Variants in CEP295 observed in about 807,000 individuals in gnomAD.
CEP295 encodes centrosomal protein 295.
CEP295 carries 190 observed loss-of-function variants against 291.6 expected under a neutral mutation model. The observed-to-expected ratio is 0.65, with a 90% CI of 0.58 to 0.73. The LOEUF (loss-of-function observed/expected upper bound fraction) is 0.73, where lower values mean the gene tolerates loss of function less well. CEP295 is among the 30% of genes least tolerant of loss of function. CEP295 has a pLI of 0.00. For synonymous variants in CEP295, 993 were observed against 1,038.8 expected (o/e 0.96, Z 0.85); for missense variants, 2,863 against 2,949.4 (o/e 0.97, Z 0.68).
rs1565428130 is a variant in CEP295 at position 93,668,843 on chromosome 11, A to T, written c.345A>T (p.Ala115=). ...TGGATGCTTTGGCACAGCGGGCAGC[A>T]GAAAGGAAAAGAAAAGCAGATTTGA... ...PDLDALAQRA[A]ERKRKADLRH... The change falls in exon 4 of 30, where the codon GCA becomes GCT. Residue 115 remains alanine (A), a synonymous_variant. Coordinates refer to ENST00000325212, the MANE Select transcript of CEP295 (RefSeq NM_033395.2). 6.6e-7 allele frequency: 1 copy of T among 1,525,194 alleles called. No homozygotes were observed. Among genetic ancestry groups the T allele is most frequent in the Non-Finnish European group, 8.8e-7 (1 of 1,133,422 alleles). The allele number at this position is 1,525,194 out of a possible 1,614,324, so 94.5% of individuals were successfully genotyped here. A position where few individuals can be genotyped will look rare whatever the true frequency, so the allele number is the denominator to read the frequency against.
chr11:93,700,199 C>A lies in CEP295; in HGVS notation c.5274+13C>A, dbSNP rs778119120. 6.6e-7 allele frequency: 1 copy of A among 1,519,424 alleles called. No homozygotes were observed. Among genetic ancestry groups the A allele is most frequent in the Non-Finnish European group, 8.8e-7 (1 of 1,133,686 alleles). The allele number at this position is 1,519,424 out of a possible 1,614,324, so 94.1% of individuals were successfully genotyped here. On this transcript the variant is annotated intron_variant, in intron 15 of 29. Coordinates refer to ENST00000325212, the MANE Select transcript of CEP295 (RefSeq NM_033395.2). ...TAAAGACAGTCAGGTATGTTTTAAA[C>A]CTGAATAATAATGAAACACTAGAAG...
Position 93,723,309 on chromosome 11 carries a change from A to G in CEP295, c.6196+20A>G, listed in dbSNP as rs1953887297. Reference sequence around the variant, plus strand: ...TGCAAGGTAAAATTATTTTAAAGCAATACTTTTATGTAAATTAAGTTTTAA... The same window carrying G: ...TGCAAGGTAAAATTATTTTAAAGCAGTACTTTTATGTAAATTAAGTTTTAA... On this transcript the variant is annotated intron_variant, in intron 21 of 29. Transcript: ENST00000325212. 1 of 1,438,872 alleles carries G rather than the reference A, an allele frequency of 6.9e-7. No individual in the cohort carries two copies. Among genetic ancestry groups the G allele is most frequent in the Non-Finnish European group, 9.4e-7 (1 of 1,069,076 alleles). 89.1% of individuals were successfully genotyped at this position (1,438,872 alleles called of 1,614,324 possible). A position where few individuals can be genotyped will look rare whatever the true frequency, so the allele number is the denominator to read the frequency against.
At chr11:93,702,422 C>G in intron 15 of CEP295, 38 bp from the exon 16 acceptor site, 1 of 1,411,076 alleles carries the variant, frequency 7.1e-7, no homozygotes, top group East Asian at 2.5e-5. Context: ...CATGATCCCC[C>G]AACTTGTGCT....
At chr11:93,714,537 C>T (rs1055334785) in intron 18 of CEP295, among the ~76,000 whole-genome samples, 1 of 152,256 alleles carries the variant, frequency 6.6e-6, no homozygotes, top group African/African-American at 2.4e-5. Context: ...GCGTGAGCCA[C>T]CATGCCCTGC....
rs552584436 is a variant in CEP295, at chr11:93,706,734, T to C, written c.5597-11T>C. On this transcript the variant is annotated splice_polypyrimidine_tract_variant and intron_variant, in intron 17 of 29. Transcript: ENST00000325212. ...CCAGAAATTGAAGTGGAAATATTTTTTCCCCCCCAGGTAAACCAGGTATTT... is the reference window on the plus strand; with the variant it reads ...CCAGAAATTGAAGTGGAAATATTTTCTCCCCCCCAGGTAAACCAGGTATTT... The C allele has an allele frequency of 1.9e-4, 280 of 1,504,848 alleles. 4 individuals carry two copies. The South Asian group carries it at 3.3e-3, about 18-fold the overall frequency. 93.2% of individuals were successfully genotyped at this position (1,504,848 alleles called of 1,614,324 possible).
intron 3 of CEP295, 34 bp downstream of exon 3, chr11:93,667,841 G>A: frequency 7.2e-7 from 1 of 1,380,972 alleles, no homozygotes; most frequent in Non-Finnish European, 9.8e-7. Flanking sequence ...CCCTGTTGTG[G>A]CAGTAATATT....
At chr11:93,681,740 C>CG (rs901109044) in intron 7 of CEP295, among the ~76,000 whole-genome samples, 5 of 151,794 alleles carry the variant, frequency 3.3e-5, no homozygotes, top group African/African-American at 1.2e-4. Flanking sequence ...TTAGTAGAGA[C>CG]GGGGTTTCAC....
chr11:93,669,953 C>T (rs1185371544), intron 5 of CEP295, among the ~76,000 whole-genome samples, 183 bp downstream of exon 5: 1 of 151,984 alleles, frequency 6.6e-6, no homozygotes, highest in East Asian at 1.9e-4. Context: ...CCTGTAAATA[C>T]TTTAGTATGT....
At chr11:93,703,752 C>CTCA (rs1192617025) in intron 17 of CEP295, among the ~76,000 whole-genome samples, 1 of 150,828 alleles carries the variant, frequency 6.6e-6, no homozygotes, top group Admixed American at 6.6e-5. Flanking sequence ...TAATAAAACA[C>CTCA]TCATCCCTGT....
chr11:93,683,834 A>G, intron 8 of CEP295, 92 bp downstream of exon 8: 1 of 1,442,318 alleles, frequency 6.9e-7, no homozygotes, highest in Non-Finnish European at 9.3e-7. Context: ...TTATCTTGAA[A>G]TGAGTTCTCT....
At chr11:93,662,251 A>C (rs940591651) in intron 1 of CEP295, among the ~76,000 whole-genome samples, 1 of 152,250 alleles carries the variant, frequency 6.6e-6, no homozygotes, top group Non-Finnish European at 1.5e-5. Context: ...ACAATGGTGA[A>C]CTTTTGAGTC....
chr11:93,691,880 A>G (rs752910707), intron 11 of CEP295, 47 bp from the exon 12 acceptor site: 103 of 1,374,102 alleles, frequency 7.5e-5, no homozygotes, highest in Admixed American at 1.3e-4. Flanking sequence ...AGTGGTGTCA[A>G]AATTCTAAAT....
intron 12 of CEP295, among the ~76,000 whole-genome samples, chr11:93,693,933 T>C (rs1444832025): frequency 2.6e-5 from 4 of 152,218 alleles, no homozygotes; most frequent in Non-Finnish European, 5.9e-5. Flanking sequence ...AAGTTTTATT[T>C]AATTTTAATT....
rs1222892234 is a variant in CEP295 at position 93,729,605 on chromosome 11, C to T, written c.7400-9C>T. ...CTATTTCTGTCATAAATTTCTTTTC[C>T]CCCAGCAGAAACCCCTCGCAGGCTT... On this transcript the variant is annotated splice_polypyrimidine_tract_variant and intron_variant, in intron 26 of 29. Coordinates refer to ENST00000325212, the MANE Select transcript of CEP295 (RefSeq NM_033395.2). The T allele has an allele frequency of 6.5e-7, 1 of 1,550,094 alleles. No individual in the cohort carries two copies. Among genetic ancestry groups the T allele is most frequent in the Non-Finnish European group, 8.7e-7 (1 of 1,146,282 alleles).
intron 18 of CEP295, among the ~76,000 whole-genome samples, chr11:93,717,825 T>C (rs1953383923): frequency 6.6e-6 from 1 of 152,164 alleles, no homozygotes; most frequent in African/African-American, 2.4e-5. Flanking sequence ...CACCAGGGCA[T>C]TACCTGATAG....
chr11:93,725,682 C>G lies in CEP295; in HGVS notation c.6350C>G (p.Ala2117Gly), dbSNP rs1164562950. ...RSDSSSESHCATGLSKSTVYF... is the reference protein window; with the variant it reads ...RSDSSSESHCGTGLSKSTVYF... Reference sequence around the variant, plus strand: ...GATTCTTCATCTGAAAGCCACTGTGCTACTGGATTATCCAAAAGTACAGTT... The same window carrying G: ...GATTCTTCATCTGAAAGCCACTGTGGTACTGGATTATCCAAAAGTACAGTT... The change falls in exon 23 of 30, where the codon GCT becomes GGT. Residue 2117 changes from alanine to glycine, a missense_variant. This residue lies in a region of CEP295 where 2,295 missense variants were observed against 2,335.7 expected (regional missense o/e 0.98). Coordinates refer to ENST00000325212, the MANE Select transcript of CEP295 (RefSeq NM_033395.2). 1.9e-6 allele frequency: 3 copies of G among 1,550,306 alleles called. No individual in the cohort carries two copies. The highest frequency in any genetic ancestry group is 2.6e-6 in the Non-Finnish European group (3 of 1,146,768).
intron 7 of CEP295, among the ~76,000 whole-genome samples, chr11:93,680,915 G>A (rs1019417421): frequency 6.6e-6 from 1 of 152,086 alleles, no homozygotes; most frequent in African/African-American, 2.4e-5. Context: ...CTTATGAAAG[G>A]TTATTTTTAT....
Position 93,698,255 on chromosome 11 carries a change from T to A in CEP295, c.3343T>A (p.Ser1115Thr), listed in dbSNP as rs1208162293. ...TCAGCATTCAGTTGCTTCACAAGCT[T>A]CTGCTAAAGCTGAGCCTAGGAGAAT... Reference protein sequence around the residue: ...VVQHSVASQASAKAEPRRIQE... With the variant: ...VVQHSVASQATAKAEPRRIQE... The change falls in exon 15 of 30, where the codon TCT (serine) becomes ACT (threonine). Residue 1115 changes from serine to threonine, a missense_variant. Coordinates refer to ENST00000325212, the MANE Select transcript of CEP295 (RefSeq NM_033395.2). 8 of 1,551,720 alleles carry A rather than the reference T, an allele frequency of 5.2e-6. No homozygotes were observed. Among genetic ancestry groups the A allele is most frequent in the Non-Finnish European group, 7.0e-6 (8 of 1,147,000 alleles).
intron 10 of CEP295, among the ~76,000 whole-genome samples, chr11:93,691,392 T>C (rs1320405378): frequency 6.6e-6 from 1 of 152,236 alleles, no homozygotes; most frequent in Non-Finnish European, 1.5e-5. Context: ...CTTTGATACC[T>C]TGTTGTTTCC....
Sources: allele counts gnomAD v4.1 joint callset (sites outside exome capture counted in the v4.1 genomes callset), GRCh38; gene constraint gnomAD v4.1.1; regional missense constraint gnomAD v4.1.1; transcripts MANE v1.5; gene names NCBI Gene and HGNC (gene_info 2026-07-23, HGNC 2026-07-21).